GASK1A: variants seen among roughly 807,000 people sequenced by gnomAD.
GASK1A encodes the protein Golgi-associated kinase 1A.
A neutral mutation model predicts 41.2 loss-of-function variants in GASK1A; 40 were observed. The ratio of observed to expected loss-of-function variants is 0.97; its 90% CI spans 0.75 to 1.27. The LOEUF (loss-of-function observed/expected upper bound fraction) is 1.27, where lower values mean the gene tolerates loss of function less well. Among genes scored for constraint, GASK1A ranks in the 50% most tolerant of loss-of-function variants. The pLI is 0.00. For missense variants in GASK1A, 678 were observed against 745.1 expected (o/e 0.91, Z 1.05); for synonymous variants, 316 against 307.1 (o/e 1.03, Z -0.30).
At chr3:42,981,820 C>A (rs1272663732) in intron 1 of GASK1A, among the ~76,000 whole-genome samples, 3 of 152,138 alleles carry the variant, frequency 2.0e-5, no homozygotes, top group African/African-American at 7.2e-5. Context: ...TATCATTTCC[C>A]ATTATATGAT....
At chr3:42,983,187 G>T (rs546945464) in intron 1 of GASK1A, among the ~76,000 whole-genome samples, 2 of 152,232 alleles carry the variant, frequency 1.3e-5, no homozygotes, top group African/African-American at 4.8e-5. Flanking sequence ...CTGGGTAAGC[G>T]CTGCCTTGCT....
chr3:43,055,352 T>C, intron 3 of GASK1A, 80 bp from the exon 4 acceptor site: 1 of 1,018,288 alleles, frequency 9.8e-7, no homozygotes, highest in Non-Finnish European at 1.5e-6. Flanking sequence ...TGTCAGCCCC[T>C]TAATCTTGAC....
chr3:43,048,911 G>T (rs191977939), intron 2 of GASK1A, among the ~76,000 whole-genome samples: 158 of 152,298 alleles, frequency 1.0e-3, no homozygotes, highest in Non-Finnish European at 1.9e-3. Context: ...GCATCACTTG[G>T]AGGGAGTTTG....
At chr3:43,031,903 C>A (rs1049708220) in intron 1 of GASK1A, among the ~76,000 whole-genome samples, 1 of 152,094 alleles carries the variant, frequency 6.6e-6, no homozygotes, top group African/African-American at 2.4e-5. Flanking sequence ...CACATGGAGA[C>A]AAAAAGAGAA....
chr3:42,997,342 C>T (rs754948207), intron 1 of GASK1A, among the ~76,000 whole-genome samples: 4 of 151,138 alleles, frequency 2.6e-5, no homozygotes, highest in African/African-American at 4.9e-5. Flanking sequence ...CCCTGCTCTT[C>T]GGAGCTCCCT....
At chr3:43,016,843 T>C (rs944863852) in intron 1 of GASK1A, among the ~76,000 whole-genome samples, 28 of 149,212 alleles carry the variant, frequency 1.9e-4, no homozygotes, top group Admixed American at 3.3e-4. Context: ...GAAGGGGCTA[T>C]GTGAAGCCAC....
chr3:43,037,010 T>C (rs1249992309), intron 2 of GASK1A: 1 of 426,640 alleles, frequency 2.3e-6, no homozygotes, highest in African/African-American at 2.0e-5. Flanking sequence ...TACACAGCAA[T>C]AGAAGACTAA....
intron 4 of GASK1A, 22 bp downstream of exon 4, chr3:43,055,557 T>C: frequency 1.3e-6 from 2 of 1,510,836 alleles, no homozygotes; most frequent in Non-Finnish European, 1.8e-6. Context: ...AAGGGTTGGG[T>C]GGAAGTTCAT....
chr3:43,045,046 G>A (rs2089655677), intron 2 of GASK1A, among the ~76,000 whole-genome samples: 1 of 152,198 alleles, frequency 6.6e-6, no homozygotes, highest in African/African-American at 2.4e-5. Flanking sequence ...AGGTGAGGGT[G>A]TGAGGATGTG....
At chr3:42,991,328 A>C (rs953631876) in intron 1 of GASK1A, among the ~76,000 whole-genome samples, 1 of 152,028 alleles carries the variant, frequency 6.6e-6, no homozygotes, top group Non-Finnish European at 1.5e-5. Flanking sequence ...TCTTGCTGTT[A>C]TCTCTGCTAT....
chr3:43,055,637 C>A, intron 4 of GASK1A, 102 bp downstream of exon 4: 1 of 798,836 alleles, frequency 1.3e-6, no homozygotes, highest in African/African-American at 1.7e-5. Context: ...AGCCCACAGT[C>A]CATCAGACAG....
intron 2 of GASK1A, among the ~76,000 whole-genome samples, chr3:43,040,918 C>T (rs1456198616): frequency 6.8e-6 from 1 of 148,036 alleles, no homozygotes; most frequent in Admixed American, 6.9e-5. Context: ...TGTTCCCCTT[C>T]CTGTGTCCTT....
intron 1 of GASK1A, among the ~76,000 whole-genome samples, chr3:43,014,639 G>C (rs566862911): frequency 6.6e-6 from 1 of 151,740 alleles, no homozygotes; most frequent in South Asian, 2.1e-4. Flanking sequence ...AAGTCAGAAT[G>C]AGTGGCTATG....
At chr3:42,990,146 A>T (rs1350240856) in intron 1 of GASK1A, among the ~76,000 whole-genome samples, 1 of 151,972 alleles carries the variant, frequency 6.6e-6, no homozygotes, top group East Asian at 1.9e-4. Context: ...TGGGCAACAT[A>T]GACTTTTGTC....
chr3:43,009,189 G>A (rs1264231768), intron 1 of GASK1A, among the ~76,000 whole-genome samples: 1 of 152,158 alleles, frequency 6.6e-6, no homozygotes, highest in Non-Finnish European at 1.5e-5. Context: ...GACCTAGAGA[G>A]TCCAGCTCCT....
intron 2 of GASK1A, among the ~76,000 whole-genome samples, chr3:43,036,377 G>A (rs887819964): frequency 6.6e-6 from 1 of 152,174 alleles, no homozygotes; most frequent in Non-Finnish European, 1.5e-5. Flanking sequence ...CAGGGCCTGG[G>A]TACAAACTGC....
intron 2 of GASK1A, among the ~76,000 whole-genome samples, chr3:43,040,123 C>T (rs369911558): frequency 8.6e-4 from 131 of 152,224 alleles, no homozygotes; most frequent in African/African-American, 3.1e-3. Context: ...AAAATTCTCT[C>T]CTGTTTTTGA....
At chr3:43,051,047 T>C (rs1375002699) in intron 2 of GASK1A, among the ~76,000 whole-genome samples, 1 of 152,222 alleles carries the variant, frequency 6.6e-6, no homozygotes. Context: ...TTTTCATGCA[T>C]ATTGGCCATA....
intron 1 of GASK1A, among the ~76,000 whole-genome samples, chr3:42,995,612 G>T (rs2125675262): frequency 6.6e-6 from 1 of 152,258 alleles, no homozygotes. Flanking sequence ...GACTGGGGTG[G>T]ATGTCCGGTG....
Sources: allele counts gnomAD v4.1 joint callset (sites outside exome capture counted in the v4.1 genomes callset), GRCh38; gene constraint gnomAD v4.1.1; transcripts MANE v1.5; gene names NCBI Gene and HGNC (gene_info 2026-07-23, HGNC 2026-07-21).